The following RANBP2 variants were observed in gnomAD, a reference collection of about 807,000 sequenced individuals.
The protein encoded by RANBP2 is E3 SUMO-protein ligase RanBP2.
A neutral mutation model predicts 303.6 loss-of-function variants in RANBP2; 57 were observed. The ratio of observed to expected loss-of-function variants is 0.19; its 90% CI spans 0.15 to 0.23. The LOEUF is 0.23. Among genes scored for constraint, RANBP2 ranks in the 10% least tolerant of loss-of-function variants. The pLI is 1.00. For missense variants in RANBP2, 3,138 were observed against 3,780.8 expected, an observed-to-expected ratio of 0.83 and a Z score of 4.46; for synonymous variants, 1,167 against 1,301.5, an observed-to-expected ratio of 0.90 and a Z score of 2.23.
At chr2:109,649,994 C>T in the RANBP2 span, among the ~76,000 whole-genome samples, 29 of 152,204 alleles carry the variant, frequency 1.9e-4, no homozygotes, top group Admixed American at 6.5e-5. Context: ...ATGATAATTC[C>T]AGGCTGCAAT....
At chr2:109,015,860 T>G in the RANBP2 span, among the ~76,000 whole-genome samples, 1 of 152,254 alleles carries the variant, frequency 6.6e-6, no homozygotes, top group Non-Finnish European at 1.5e-5. Context: ...CCGTAAGGCT[T>G]CTGGTCAACA....
the RANBP2 span, among the ~76,000 whole-genome samples, chr2:109,240,838 A>ACACCCC: frequency 4.0e-5 from 6 of 150,852 alleles, no homozygotes; most frequent in Admixed American, 1.3e-4. Flanking sequence ...TGGACTCCTG[A>ACACCCC]CACCCCCACC....
At chr2:109,599,931 C>T in the RANBP2 span, among the ~76,000 whole-genome samples, 2 of 152,176 alleles carry the variant, frequency 1.3e-5, no homozygotes, top group African/African-American at 2.4e-5. Context: ...AACACTACAA[C>T]GAACTTCCTC....
chr2:109,402,254 G>A, the RANBP2 span, among the ~76,000 whole-genome samples: 1 of 152,238 alleles, frequency 6.6e-6, no homozygotes, highest in Non-Finnish European at 1.5e-5. Flanking sequence ...CTGGCCTGAG[G>A]ACTGGCCCAT....
At chr2:109,469,000 T>C in the RANBP2 span, among the ~76,000 whole-genome samples, 1 of 150,970 alleles carries the variant, frequency 6.6e-6, no homozygotes, top group Non-Finnish European at 1.5e-5. Flanking sequence ...GCTCAAGGTC[T>C]TCTAAAGGGC....
the RANBP2 span, among the ~76,000 whole-genome samples, chr2:109,596,730 CTTT>C: frequency 6.6e-6 from 1 of 151,914 alleles, no homozygotes; most frequent in Non-Finnish European, 1.5e-5. Context: ...CAAATATCTG[CTTT>C]TGTTTATTCA....
At chr2:109,427,611 A>C in the RANBP2 span, among the ~76,000 whole-genome samples, 1 of 152,306 alleles carries the variant, frequency 6.6e-6, no homozygotes, top group Non-Finnish European at 1.5e-5. Context: ...CACTAGCCCC[A>C]CACACAAGTG....
the RANBP2 span, among the ~76,000 whole-genome samples, chr2:108,986,034 G>C: frequency 2.0e-5 from 3 of 152,176 alleles, no homozygotes; most frequent in Non-Finnish European, 2.9e-5. Context: ...GACTGTACAG[G>C]GTCAGCTATC....
the RANBP2 span, among the ~76,000 whole-genome samples, chr2:109,456,384 A>G: frequency 6.6e-6 from 1 of 152,220 alleles, no homozygotes; most frequent in Non-Finnish European, 1.5e-5. Context: ...CGTGAATCCC[A>G]GCTGCCAAAA....
At chr2:109,730,015 G>A in the RANBP2 span, among the ~76,000 whole-genome samples, 2 of 152,096 alleles carry the variant, frequency 1.3e-5, no homozygotes, top group African/African-American at 2.4e-5. Flanking sequence ...TCAGGAGAAC[G>A]GCATGGGGGA....
the RANBP2 span, among the ~76,000 whole-genome samples, chr2:109,342,380 C>T: frequency 6.6e-6 from 1 of 152,160 alleles, no homozygotes; most frequent in Non-Finnish European, 1.5e-5. Context: ...ATATATGGAG[C>T]GTATGATCTG....
At chr2:108,988,610 G>A in the RANBP2 span, among the ~76,000 whole-genome samples, 3 of 152,084 alleles carry the variant, frequency 2.0e-5, no homozygotes, top group South Asian at 4.2e-4. Flanking sequence ...CCAGTGAGCC[G>A]GGCACAGGGG....
At chr2:109,736,545 C>T in the RANBP2 span, among the ~76,000 whole-genome samples, 1 of 152,120 alleles carries the variant, frequency 6.6e-6, no homozygotes, top group Non-Finnish European at 1.5e-5. Context: ...ATTCCCCAAA[C>T]CCCTTTATGG....
chr2:109,061,849 A>C, the RANBP2 span, among the ~76,000 whole-genome samples: 58 of 152,264 alleles, frequency 3.8e-4, 1 homozygote, highest in South Asian at 0.012. Flanking sequence ...TGATTCAAGC[A>C]GAGGTGATGC....
the RANBP2 span, among the ~76,000 whole-genome samples, chr2:109,285,527 G>T: frequency 1.3e-5 from 2 of 152,206 alleles, no homozygotes; most frequent in Admixed American, 6.5e-5. Context: ...TGGACTGCAG[G>T]GCAATCGCTT....
At chr2:109,717,272 C>CAAAAAAAAAAAAAAAAAAAAAAAA in the RANBP2 span, among the ~76,000 whole-genome samples, 1 of 124,794 alleles carries the variant, frequency 8.0e-6, no homozygotes, top group Non-Finnish European at 1.6e-5. Flanking sequence ...AAAAACAAAC[C>CAAAAAAAAAAAAAAAAAAAAAAAA]AAAAAAAAAA....
intron 6 of RANBP2, among the ~76,000 whole-genome samples, chr2:108,738,834 TGGCAAGGC>T (rs1695837241): frequency 1.3e-5 from 2 of 151,270 alleles, no homozygotes; most frequent in African/African-American, 4.9e-5. Context: ...TTCACCATGT[TGGCAAGGC>T]TGGTCTTGAA....
chr2:109,353,748 C>T, the RANBP2 span, among the ~76,000 whole-genome samples: 1 of 152,188 alleles, frequency 6.6e-6, no homozygotes, highest in Non-Finnish European at 1.5e-5. Flanking sequence ...AACCCAAAGA[C>T]GTGGAGACAA....
At chr2:109,124,755 G>C in the RANBP2 span, 2 of 152,192 alleles carry the variant, frequency 1.3e-5, no homozygotes, top group Admixed American at 6.5e-5. Flanking sequence ...TTCCAATCTT[G>C]TGTCTCCCTG....
Sources: allele counts gnomAD v4.1 joint callset (sites outside exome capture counted in the v4.1 genomes callset), GRCh38; gene constraint gnomAD v4.1.1; transcripts MANE v1.5; gene names NCBI Gene and HGNC (gene_info 2026-07-23, HGNC 2026-07-21).